The following BLTP1 variants were observed in gnomAD, a reference collection of about 807,000 sequenced individuals.
BLTP1 encodes the protein fragile site-associated protein.
At chr4:122,224,306 A>G in the BLTP1 span, 3 of 291,556 alleles carry the variant, frequency 1.0e-5, no homozygotes, top group South Asian at 1.3e-4. Flanking sequence ...TCTCATAGGT[A>G]TTGTTCATTA....
the BLTP1 span, chr4:122,271,193 A>G: frequency 3.1e-6 from 5 of 1,613,834 alleles, no homozygotes; most frequent in African/African-American, 5.3e-5. Context: ...CTGCAACTTT[A>G]CTATTTCCTG....
the BLTP1 span, among the ~76,000 whole-genome samples, chr4:122,233,204 A>G: frequency 6.6e-6 from 1 of 152,244 alleles, no homozygotes; most frequent in African/African-American, 2.4e-5. Flanking sequence ...TTTGAGAACT[A>G]GTGCATTGGA....
the BLTP1 span, chr4:122,305,148 T>G: frequency 1.0e-6 from 1 of 968,734 alleles, no homozygotes; most frequent in East Asian, 1.1e-4. Flanking sequence ...TGGCATTTCA[T>G]TGAAAATTGT....
At chr4:122,300,937 T>C in the BLTP1 span, 1 of 977,058 alleles carries the variant, frequency 1.0e-6, no homozygotes, top group African/African-American at 1.8e-5. Flanking sequence ...AAAAAAATGC[T>C]CTCTTAATAG....
At chr4:122,186,210 C>T in the BLTP1 span, 9 of 1,609,876 alleles carry the variant, frequency 5.6e-6, no homozygotes, top group South Asian at 5.5e-5. Flanking sequence ...AGAACCCAAT[C>T]GAAAATTGAA....
chr4:122,360,950 T>TC, the BLTP1 span, among the ~76,000 whole-genome samples: 1 of 152,168 alleles, frequency 6.6e-6, no homozygotes, highest in Non-Finnish European at 1.5e-5. Flanking sequence ...GAGAGCGTGG[T>TC]TTAAGAGCTC....
chr4:122,359,618 T>G, the BLTP1 span: 1 of 1,612,790 alleles, frequency 6.2e-7, no homozygotes, highest in Admixed American at 1.7e-5. Context: ...TTATTATACA[T>G]GACGACAATT....
the BLTP1 span, among the ~76,000 whole-genome samples, chr4:122,218,705 A>T: frequency 0.13 from 19,201 of 152,176 alleles, 1,731 homozygotes; most frequent in African/African-American, 0.26. Flanking sequence ...GAAAAAATAA[A>T]TTAAATTGAA....
At chr4:122,318,078 G>C in the BLTP1 span, 1 of 1,475,156 alleles carries the variant, frequency 6.8e-7, no homozygotes, top group African/African-American at 1.4e-5. Flanking sequence ...AATTAAAAAG[G>C]AGCAAGTAAA....
At chr4:122,330,446 T>C in the BLTP1 span, among the ~76,000 whole-genome samples, 3 of 151,210 alleles carry the variant, frequency 2.0e-5, no homozygotes, top group Non-Finnish European at 2.9e-5. Flanking sequence ...TCATATTTCA[T>C]TGTGGTTTTG....
the BLTP1 span, chr4:122,219,534 T>C: frequency 6.2e-7 from 1 of 1,613,978 alleles, no homozygotes; most frequent in Non-Finnish European, 8.5e-7. Context: ...CTGTACTTGT[T>C]AATTTGTACA....
chr4:122,208,191 C>T, the BLTP1 span: 1 of 788,226 alleles, frequency 1.3e-6, no homozygotes, highest in African/African-American at 1.9e-5. Flanking sequence ...TACATAGACA[C>T]TATTCCATGT....
At chr4:122,307,833 T>C in the BLTP1 span, 3 of 1,504,416 alleles carry the variant, frequency 2.0e-6, no homozygotes, top group Non-Finnish European at 2.6e-6. Context: ...TGCTACAGTT[T>C]TCTGGGTGTA....
the BLTP1 span, chr4:122,292,754 A>G: frequency 4.0e-6 from 1 of 249,740 alleles, no homozygotes; most frequent in African/African-American, 2.3e-5. Flanking sequence ...TATCCAACCA[A>G]CTTGTATATA....
At chr4:122,209,514 G>A in the BLTP1 span, 7 of 271,438 alleles carry the variant, frequency 2.6e-5, no homozygotes, top group Non-Finnish European at 3.4e-5. Context: ...GCATCATGGC[G>A]CATGCCTGTA....
chr4:122,356,020 A>T, the BLTP1 span: 126 of 1,532,588 alleles, frequency 8.2e-5, no homozygotes, highest in Non-Finnish European at 9.8e-5. Context: ...AAAGTTAATA[A>T]GAAAATTCTA....
the BLTP1 span, chr4:122,215,687 T>G: frequency 1.9e-6 from 1 of 531,810 alleles, no homozygotes; most frequent in East Asian, 1.5e-4. Context: ...TAAGTTTTGT[T>G]TGTTTGTTTA....
At chr4:122,194,038 A>ATTT in the BLTP1 span, among the ~76,000 whole-genome samples, 1 of 151,634 alleles carries the variant, frequency 6.6e-6, no homozygotes, top group African/African-American at 2.4e-5. Flanking sequence ...AATTTTTTGT[A>ATTT]TTTTTAGTAG....
At chr4:122,211,170 C>T in the BLTP1 span, 38 of 1,280,302 alleles carry the variant, frequency 3.0e-5, no homozygotes, top group African/African-American at 4.5e-4. Flanking sequence ...AAATTGAGAC[C>T]GTTTGAAATA....
Sources: gnomAD v4.1 joint callset for allele counts (sites outside exome capture counted in the v4.1 genomes callset) on GRCh38, gnomAD v4.1.1 for gene constraint, MANE v1.5 for transcripts, NCBI Gene and HGNC (gene_info 2026-07-23, HGNC 2026-07-21) for gene names.